Variants in NRG3 observed in about 807,000 individuals in gnomAD.
The protein encoded by NRG3 is pro-neuregulin-3, membrane-bound isoform.
In NRG3, 31 loss-of-function variants were observed where a neutral mutation model predicts 66.9. That is an observed-to-expected ratio of 0.46 (90% CI 0.35 to 0.63). The LOEUF (loss-of-function observed/expected upper bound fraction) is 0.63, where lower values mean the gene tolerates loss of function less well. NRG3 is among the 20% of genes least tolerant of loss of function. The pLI, the probability that NRG3 is intolerant of heterozygous loss-of-function variation, is 0.00. For missense variants in NRG3, 910 were observed against 878.9 expected (o/e 1.04, Z -0.45); for synonymous variants, 393 against 359.4 (o/e 1.09, Z -1.06).
chr10:82,036,608 A>G (rs1325974093), intron 1 of NRG3, among the ~76,000 whole-genome samples: 1 of 152,292 alleles, frequency 6.6e-6, no homozygotes, highest in South Asian at 2.1e-4. Flanking sequence ...AGTTGTAGTA[A>G]GTAGCACATA....
chr10:82,602,525 T>G (rs1184732262), intron 2 of NRG3, among the ~76,000 whole-genome samples: 1 of 152,114 alleles, frequency 6.6e-6, no homozygotes, highest in Admixed American at 6.6e-5. Context: ...TAAGTAAAAC[T>G]CAATTAAGAC....
chr10:82,978,637 G>A (rs1004678352), intron 7 of NRG3, among the ~76,000 whole-genome samples: 15 of 152,172 alleles, frequency 9.9e-5, no homozygotes, highest in African/African-American at 3.6e-4. Flanking sequence ...GGAATGAGGA[G>A]CTTGAGAATT....
rs528592441 is a variant in NRG3, at chr10:82,468,468, C to A, written c.953+109600C>A. On this transcript the variant is annotated intron_variant, in intron 2 of 8. Coordinates refer to ENST00000372141, the MANE Select transcript of NRG3 (RefSeq NM_001010848.4). Reference sequence around the variant, plus strand: ...GAGAGACCTTCAATGTGACCCAGATCTGTTTTATTTTAAAAAACAGTTATC... The same window carrying A: ...GAGAGACCTTCAATGTGACCCAGATATGTTTTATTTTAAAAAACAGTTATC... Among the ~76,000 whole-genome samples the A allele has an allele frequency of 2.0e-5, 3 of 152,212 alleles. No homozygotes were observed. The South Asian group carries it at 6.2e-4, about 32-fold the overall frequency.
At chr10:82,070,735 A>T (rs1040510889) in intron 1 of NRG3, among the ~76,000 whole-genome samples, 1 of 152,186 alleles carries the variant, frequency 6.6e-6, no homozygotes, top group Non-Finnish European at 1.5e-5. Flanking sequence ...CTACCAAGAA[A>T]CATTTAAAAA....
intron 1 of NRG3, among the ~76,000 whole-genome samples, chr10:82,074,995 C>T (rs1427843413): frequency 6.6e-6 from 1 of 152,114 alleles, no homozygotes; most frequent in East Asian, 1.9e-4. Flanking sequence ...TTTTTGTGCT[C>T]GGCATCATAC....
chr10:82,829,874 T>G (rs1177117389), intron 3 of NRG3, among the ~76,000 whole-genome samples: 1 of 152,134 alleles, frequency 6.6e-6, no homozygotes, highest in African/African-American at 2.4e-5. Flanking sequence ...TACAAGGTTG[T>G]GTCAAGGTTA....
At chr10:81,989,428 G>A (rs1055308129) in intron 1 of NRG3, among the ~76,000 whole-genome samples, 1 of 152,060 alleles carries the variant, frequency 6.6e-6, no homozygotes, top group Admixed American at 6.6e-5. Context: ...TAAGAAACTC[G>A]ACAGAGAAAG....
intron 3 of NRG3, among the ~76,000 whole-genome samples, chr10:82,833,896 A>C (rs1182949942): frequency 3.3e-5 from 5 of 152,198 alleles, no homozygotes; most frequent in Admixed American, 6.5e-5. Flanking sequence ...TGGCCAATTT[A>C]ATATTCCTGT....
intron 2 of NRG3, among the ~76,000 whole-genome samples, chr10:82,702,966 C>T (rs902891017): frequency 2.3e-5 from 3 of 128,122 alleles, no homozygotes; most frequent in African/African-American, 1.2e-4. Flanking sequence ...CTGTTTCTGC[C>T]ATTTTTTTTG....
intron 1 of NRG3, among the ~76,000 whole-genome samples, chr10:81,895,446 A>T (rs555978012): frequency 1.2e-4 from 18 of 152,294 alleles, no homozygotes; most frequent in African/African-American, 3.1e-4. Context: ...GGGAACCCCT[A>T]CCAATTTAAT....
At chr10:82,788,100 T>C (rs1177865082) in intron 3 of NRG3, among the ~76,000 whole-genome samples, 2 of 152,236 alleles carry the variant, frequency 1.3e-5, no homozygotes, top group African/African-American at 2.4e-5. Context: ...TTTATTGTGT[T>C]GTTGGCTTCA....
At chr10:82,749,677 A>C (rs890439583) in intron 3 of NRG3, among the ~76,000 whole-genome samples, 1 of 151,190 alleles carries the variant, frequency 6.6e-6, no homozygotes, top group African/African-American at 2.4e-5. Context: ...CATATTCATA[A>C]TTTTTTTTCA....
At chr10:82,063,283 T>G (rs538535352) in intron 1 of NRG3, among the ~76,000 whole-genome samples, 50 of 144,216 alleles carry the variant, frequency 3.5e-4, no homozygotes, top group African/African-American at 1.2e-3. Flanking sequence ...CAAGTTTCTG[T>G]TTTTTTTTCT....
chr10:82,413,066 A>G (rs1176207881), intron 2 of NRG3, among the ~76,000 whole-genome samples: 1 of 152,146 alleles, frequency 6.6e-6, no homozygotes, highest in East Asian at 1.9e-4. Context: ...GTTATTGTTG[A>G]TATTTTGACT....
At chr10:82,248,242 T>G (rs74549960) in intron 1 of NRG3, among the ~76,000 whole-genome samples, 3,500 of 152,268 alleles carry the variant, frequency 0.023, 59 homozygotes, top group Non-Finnish European at 0.034. Context: ...CTGGAATAAT[T>G]TCTTTGTTTT....
intron 1 of NRG3, among the ~76,000 whole-genome samples, chr10:82,313,224 C>T (rs1301442653): frequency 6.6e-6 from 1 of 151,818 alleles, no homozygotes; most frequent in Non-Finnish European, 1.5e-5. Context: ...GTAATCCCAG[C>T]TACCTAGGAG....
At chr10:82,484,075 CTTAT>C (rs1212817371) in intron 2 of NRG3, among the ~76,000 whole-genome samples, 1 of 152,104 alleles carries the variant, frequency 6.6e-6, no homozygotes, top group Non-Finnish European at 1.5e-5. Context: ...TCTATAATGG[CTTAT>C]TTGTTTTGCA....
intron 2 of NRG3, among the ~76,000 whole-genome samples, chr10:82,500,383 C>A (rs1844055124): frequency 6.6e-6 from 1 of 152,188 alleles, no homozygotes; most frequent in South Asian, 2.1e-4. Flanking sequence ...GTCCCCATTG[C>A]ATATACTTGG....
intron 1 of NRG3, among the ~76,000 whole-genome samples, chr10:82,054,922 C>T (rs2063761890): frequency 6.6e-6 from 1 of 151,804 alleles, no homozygotes. Context: ...ATTGCTTGAA[C>T]ATGTGAAATA....
Sources: allele counts gnomAD v4.1 joint callset (sites outside exome capture counted in the v4.1 genomes callset), GRCh38; gene constraint gnomAD v4.1.1; transcripts MANE v1.5; gene names NCBI Gene and HGNC (gene_info 2026-07-23, HGNC 2026-07-21).